Variants in LMNA observed in about 807,000 individuals in gnomAD.
LMNA encodes the protein lamin.
A neutral mutation model predicts 70.4 loss-of-function variants in LMNA; 20 were observed. The ratio of observed to expected loss-of-function variants is 0.28; its 90% CI spans 0.20 to 0.41. The LOEUF is 0.41. LMNA is among the 10% of genes least tolerant of loss of function. LMNA has a pLI of 1.00. For synonymous variants in LMNA, 339 were observed against 372.8 expected (o/e 0.91, Z 1.04); for missense variants, 652 against 917.2 (o/e 0.71, Z 3.73).
chr1:156,088,313 TG>T (rs1350513713), intron 2 of LMNA, among the ~76,000 whole-genome samples: 1 of 152,324 alleles, frequency 6.6e-6, no homozygotes, highest in East Asian at 1.9e-4. Context: ...TTAATTTTTT[TG>T]TTTTCTTTTT....
At chr1:156,130,527 C>G in intron 1 of LMNA, 90 bp from the exon 2 acceptor site, 1 of 1,384,966 alleles carries the variant, frequency 7.2e-7, no homozygotes, top group East Asian at 2.3e-5. Flanking sequence ...CATAGCAGCG[C>G]CAGCCCCCAT....
chr1:156,089,601 A>AAAG (rs151031694), intron 2 of LMNA, among the ~76,000 whole-genome samples: 582 of 145,228 alleles, frequency 4.0e-3, no homozygotes, highest in African/African-American at 8.1e-3. Flanking sequence ...CTAAAAAAAA[A>AAAG]AAAGAAAGAA....
chr1:156,095,969 A>T (rs1648923468), intron 3 of LMNA, among the ~76,000 whole-genome samples: 1 of 152,152 alleles, frequency 6.6e-6, no homozygotes, highest in South Asian at 2.1e-4. Flanking sequence ...CAGAGGCGTG[A>T]TCTACTCTGG....
rs116612597 is a variant in LMNA, at chr1:156,099,623, C to T, written c.-207+9041C>T. Among the ~76,000 whole-genome samples, 561 of 152,178 alleles carry T rather than the reference C, an allele frequency of 3.7e-3. 3 individuals carry two copies. The highest frequency in any genetic ancestry group is 0.013 in the African/African-American group (544 of 41,512). ...TTTAGGCCAGGCATAGTGGCTCACA[C>T]CGTAATCCTAGCACTTTAGGAGGCC... On this transcript the variant is annotated intron_variant, in intron 3 of 12. Coordinates refer to the LMNA transcript ENST00000368301.
intron 1 of LMNA, among the ~76,000 whole-genome samples, chr1:156,129,459 C>T (rs1247583203): frequency 6.6e-6 from 1 of 152,164 alleles, no homozygotes; most frequent in Non-Finnish European, 1.5e-5. Context: ...AAAATGTTGG[C>T]AGGGCTGCTT....
Position 156,097,941 on chromosome 1 carries a change from G to A in LMNA, c.-207+7359G>A, listed in dbSNP as rs1026769280. On this transcript the variant is annotated intron_variant, in intron 3 of 12. Coordinates refer to the LMNA transcript ENST00000368301. ...GTCCTAGGGGCAGGGGTGCGTGTGC[G>A]TGTGTGCGTGCGTGTGTGTGTGTGT... Among the ~76,000 whole-genome samples the A allele has an allele frequency of 2.6e-5, 4 of 151,976 alleles. No homozygotes were observed. In the South Asian group the frequency reaches 6.2e-4, roughly 24 times the overall value.
At chr1:156,116,515 G>A (rs2102822262) in intron 1 of LMNA, among the ~76,000 whole-genome samples, 1 of 152,262 alleles carries the variant, frequency 6.6e-6, no homozygotes, top group South Asian at 2.1e-4. Context: ...ATCCGTAAAG[G>A]GCTGTTGGCT....
chr1:156,128,645 T>A (rs1273337235), intron 1 of LMNA, among the ~76,000 whole-genome samples: 3 of 152,134 alleles, frequency 2.0e-5, no homozygotes, highest in Non-Finnish European at 4.4e-5. Context: ...GAACCCTAGA[T>A]CAGCAGCTAG....
intron 2 of LMNA, chr1:156,083,469 C>G (rs952706574): frequency 3.3e-5 from 5 of 152,296 alleles, no homozygotes; most frequent in African/African-American, 4.8e-5. Context: ...TAGCACTCAT[C>G]GTAATTTCCA....
At chr1:156,114,262 G>A (rs1649651751), upstream of LMNA, among the ~76,000 whole-genome samples, 1 of 152,126 alleles carries the variant, frequency 6.6e-6, no homozygotes, top group African/African-American at 2.4e-5. Flanking sequence ...GGGAGGACAG[G>A]GGGAGCCAGT....
intron 1 of LMNA, chr1:156,126,108 C>G: frequency 7.0e-7 from 1 of 1,424,740 alleles, no homozygotes; most frequent in Non-Finnish European, 9.4e-7. Context: ...CCTGTACCCA[C>G]CCGGCCACAG....
At chr1:156,090,063 GAGGC>G (rs1648639744) in intron 2 of LMNA, among the ~76,000 whole-genome samples, 1 of 152,174 alleles carries the variant, frequency 6.6e-6, no homozygotes, top group Non-Finnish European at 1.5e-5. Flanking sequence ...CAGGGAGGGG[GAGGC>G]AGTAAACATG....
At chr1:156,111,127 C>T (rs927761200), upstream of LMNA, among the ~76,000 whole-genome samples, 3 of 151,888 alleles carry the variant, frequency 2.0e-5, no homozygotes, top group Admixed American at 1.3e-4. Flanking sequence ...GAGGAGCCCC[C>T]CCACCCAATC....
intron 3 of LMNA, among the ~76,000 whole-genome samples, chr1:156,096,580 G>A (rs779843945): frequency 2.0e-5 from 3 of 152,254 alleles, no homozygotes; most frequent in Non-Finnish European, 4.4e-5. Flanking sequence ...CCAGCGTTTG[G>A]AGGCACTCAT....
intron 2 of LMNA, among the ~76,000 whole-genome samples, chr1:156,085,165 G>A (rs1270188325): frequency 1.3e-5 from 2 of 152,266 alleles, no homozygotes; most frequent in Non-Finnish European, 2.9e-5. Context: ...GTGTGCGAAT[G>A]CAGTTAGGTG....
chr1:156,110,679 T>C (rs758471584), upstream of LMNA, among the ~76,000 whole-genome samples: 13 of 151,560 alleles, frequency 8.6e-5, no homozygotes, highest in Non-Finnish European at 1.5e-4. Flanking sequence ...CCCCCATCTC[T>C]TAAAAAAATA....
intron 1 of LMNA, chr1:156,123,119 G>GA (rs1243125652): frequency 6.6e-6 from 1 of 151,062 alleles, no homozygotes; most frequent in Non-Finnish European, 1.5e-5. Context: ...CTTTTCTTGA[G>GA]AACTACATTC....
chr1:156,122,580 A>G (rs917523927), intron 1 of LMNA, among the ~76,000 whole-genome samples: 7 of 152,336 alleles, frequency 4.6e-5, no homozygotes, highest in East Asian at 1.9e-4. Flanking sequence ...TTTCATTGCT[A>G]CTAGGAAAGG....
At chr1:156,106,046 A>G (rs1295168074) in intron 3 of LMNA, among the ~76,000 whole-genome samples, 1 of 152,048 alleles carries the variant, frequency 6.6e-6, no homozygotes, top group African/African-American at 2.4e-5. Context: ...GAGGCCGGAG[A>G]ATGGCGTGAA....
Sources: gnomAD v4.1 joint callset for allele counts (sites outside exome capture counted in the v4.1 genomes callset) on GRCh38, gnomAD v4.1.1 for gene constraint, MANE v1.5 for transcripts, NCBI Gene and HGNC (gene_info 2026-07-23, HGNC 2026-07-21) for gene names.